Variants in CLVS1 observed in about 807,000 individuals in gnomAD.
CLVS1 encodes clavesin 1, also known as clavesin-1.
A neutral mutation model predicts 33.1 loss-of-function variants in CLVS1; 10 were observed. That is an observed-to-expected ratio of 0.30 (90% CI 0.19 to 0.51). The LOEUF (loss-of-function observed/expected upper bound fraction) is 0.51, where lower values mean the gene tolerates loss of function less well. Ranked by LOEUF, CLVS1 falls within the 20% of genes least tolerant of loss-of-function variation. The pLI is 0.97. For synonymous variants in CLVS1, 163 were observed against 166.1 expected, an observed-to-expected ratio of 0.98 and a Z score of 0.14; for missense variants, 343 against 433.4, an observed-to-expected ratio of 0.79 and a Z score of 1.85.
At chr8:61,327,512 T>A (rs1373352763) in intron 2 of CLVS1, among the ~76,000 whole-genome samples, 1 of 152,228 alleles carries the variant, frequency 6.6e-6, no homozygotes, top group Non-Finnish European at 1.5e-5. Context: ...CTAGTTCAGA[T>A]CATTACATTT....
chr8:61,038,456 TG>T, the CLVS1 span, among the ~76,000 whole-genome samples: 1 of 138,352 alleles, frequency 7.2e-6, no homozygotes. Flanking sequence ...TATATATATA[TG>T]ACATATATAT....
intron 5 of CLVS1, among the ~76,000 whole-genome samples, chr8:61,483,699 A>G (rs1803757312): frequency 6.6e-6 from 1 of 152,254 alleles, no homozygotes. Context: ...AAAATCCTCA[A>G]TAAAATACTG....
chr8:61,227,188 A>G (rs904121172), intron 2 of CLVS1, among the ~76,000 whole-genome samples: 2 of 152,036 alleles, frequency 1.3e-5, no homozygotes, highest in Non-Finnish European at 2.9e-5. Context: ...AGCAAAGTAG[A>G]CTGATTCTAC....
the CLVS1 span, among the ~76,000 whole-genome samples, chr8:61,037,621 A>G: frequency 6.6e-6 from 1 of 152,238 alleles, no homozygotes; most frequent in Non-Finnish European, 1.5e-5. Context: ...TAGGATTTTG[A>G]TAATGACAAT....
At chr8:61,302,388 T>C (rs1810469383) in intron 2 of CLVS1, among the ~76,000 whole-genome samples, 1 of 152,212 alleles carries the variant, frequency 6.6e-6, no homozygotes, top group African/African-American at 2.4e-5. Context: ...TTCATTCATC[T>C]TTATCATTCA....
chr8:61,221,826 G>T (rs1808225093), intron 2 of CLVS1, among the ~76,000 whole-genome samples: 1 of 152,032 alleles, frequency 6.6e-6, no homozygotes, highest in Non-Finnish European at 1.5e-5. Flanking sequence ...GGATTTTTTT[G>T]GTTGGTAGGT....
At chr8:61,124,544 C>T (rs1805937072) in intron 1 of CLVS1, among the ~76,000 whole-genome samples, 1 of 152,148 alleles carries the variant, frequency 6.6e-6, no homozygotes, top group South Asian at 2.1e-4. Context: ...GATCTATTTT[C>T]TTGACTATTT....
intron 2 of CLVS1, among the ~76,000 whole-genome samples, chr8:61,189,405 G>A (rs879107374): frequency 6.6e-6 from 1 of 152,178 alleles, no homozygotes. Flanking sequence ...ACCGGTACCA[G>A]CCACTGCAAA....
chr8:61,232,022 G>GTTTTTTTTTTTTTTTTTTTTTTTTT (rs376185436), intron 2 of CLVS1, among the ~76,000 whole-genome samples: 3 of 117,070 alleles, frequency 2.6e-5, no homozygotes, highest in African/African-American at 1.3e-4. Context: ...GGAAAGTTGT[G>GTTTTTTTTTTTTTTTTTTTTTTTTT]GTTTTTTTTT....
intron 2 of CLVS1, among the ~76,000 whole-genome samples, chr8:61,317,092 C>T (rs1255778949): frequency 1.3e-5 from 2 of 152,078 alleles, no homozygotes; most frequent in Non-Finnish European, 2.9e-5. Context: ...TTGTGTGCTA[C>T]TATAACAAAA....
Position 61,292,614 on chromosome 8 carries a change from C to T in CLVS1, c.-152+4476C>T, listed in dbSNP as rs963667809. On this transcript the variant is annotated intron_variant, in intron 1 of 5. Coordinates refer to ENST00000325897, the MANE Select transcript of CLVS1 (RefSeq NM_173519.3). Reference sequence around the variant, plus strand: ...CCATTGATACCCCTAGGAAGCACAACTAATCTGTTTTAAAAATTGGGGTAT... The same window carrying T: ...CCATTGATACCCCTAGGAAGCACAATTAATCTGTTTTAAAAATTGGGGTAT... Among the ~76,000 whole-genome samples the T allele has an allele frequency of 3.3e-5, 5 of 152,242 alleles. No individual in the cohort carries two copies. In the East Asian group the frequency reaches 5.8e-4, roughly 18 times the overall value.
Position 61,331,826 on chromosome 8 carries a change from C to T in CLVS1, c.455+31544C>T, listed in dbSNP as rs201357186. Among the ~76,000 whole-genome samples the T allele has an allele frequency of 2.1e-3, 269 of 127,400 alleles. 1 individual carries two copies. The highest frequency in any genetic ancestry group is 7.4e-3 in the Middle Eastern group (2 of 270). The allele number at this position is 127,400 out of a possible 152,430, so 83.6% of individuals were successfully genotyped here. A position where few individuals can be genotyped will look rare whatever the true frequency, so the allele number is the denominator to read the frequency against. ...TCTTCTCCTCCTCCTCCTCCTCTTC[C>T]TCCTCCTCCTCCTCCTCCTCCTCCT... On this transcript the variant is annotated intron_variant, in intron 2 of 5. Coordinates refer to ENST00000325897, the MANE Select transcript of CLVS1 (RefSeq NM_173519.3).
At chr8:61,386,772 C>A (rs1393433906) in intron 3 of CLVS1, among the ~76,000 whole-genome samples, 1 of 152,160 alleles carries the variant, frequency 6.6e-6, no homozygotes, top group Non-Finnish European at 1.5e-5. Context: ...TAATGATGAT[C>A]ATGATGATGA....
At chr8:61,343,522 A>G in intron 2 of CLVS1, among the ~76,000 whole-genome samples, 1 of 152,242 alleles carries the variant, frequency 6.6e-6, no homozygotes, top group East Asian at 1.9e-4. Flanking sequence ...AAGACAATGT[A>G]CTTGTACTAC....
chr8:61,444,080 C>T (rs1816668557), intron 3 of CLVS1, among the ~76,000 whole-genome samples: 1 of 151,944 alleles, frequency 6.6e-6, no homozygotes, highest in African/African-American at 2.4e-5. Flanking sequence ...ATCTTAAATC[C>T]TGCAACATTG....
the CLVS1 span, among the ~76,000 whole-genome samples, chr8:60,975,801 T>G: frequency 6.6e-6 from 1 of 152,178 alleles, no homozygotes. Context: ...TAAGAAATAA[T>G]TATTGTTCTT....
intron 1 of CLVS1, among the ~76,000 whole-genome samples, chr8:61,094,186 G>A (rs1805305977): frequency 6.6e-6 from 1 of 152,170 alleles, no homozygotes. Context: ...TGTGGCCCCA[G>A]CAATTCCTGC....
At chr8:61,243,760 A>G (rs1424058985) in intron 2 of CLVS1, among the ~76,000 whole-genome samples, 1 of 152,122 alleles carries the variant, frequency 6.6e-6, no homozygotes, top group Non-Finnish European at 1.5e-5. Flanking sequence ...CAATTATTTT[A>G]GCCTTTTAAG....
At chr8:61,330,385 A>G (rs1811548960) in intron 2 of CLVS1, among the ~76,000 whole-genome samples, 1 of 152,202 alleles carries the variant, frequency 6.6e-6, no homozygotes. Flanking sequence ...AAAAGAAAAG[A>G]GGAGAAAGGA....
Sources: allele counts gnomAD v4.1 joint callset (sites outside exome capture counted in the v4.1 genomes callset), GRCh38; gene constraint gnomAD v4.1.1; transcripts MANE v1.5; gene names NCBI Gene and HGNC (gene_info 2026-07-23, HGNC 2026-07-21).